Variants in RFK observed in about 807,000 individuals in gnomAD.
RFK encodes the protein 0610038L10Rik.
A neutral mutation model predicts 17.6 loss-of-function variants in RFK; 4 were observed. The ratio of observed to expected loss-of-function variants is 0.23; its 90% CI spans 0.11 to 0.52. RFK has a LOEUF of 0.52. Among genes scored for constraint, RFK ranks in the 20% least tolerant of loss-of-function variants. The pLI is 0.96. For synonymous variants in RFK, 59 were observed against 63.8 expected (o/e 0.92, Z 0.36); for missense variants, 189 against 187.7 (o/e 1.01, Z -0.04).
In RFK at chr9:76,394,226, C is replaced by T. The variant is rs757102093; in HGVS notation, c.-55G>A. On this transcript the variant is annotated 5_prime_UTR_variant, in exon 1 of 4. Coordinates refer to ENST00000376736, the MANE Select transcript of RFK (RefSeq NM_018339.6). ...GCCCGGTCTGCGCGTCCTGCGGAGC[C>T]GCCGTCGACGCGGCGCCCAGACCCC... 1.4e-5 allele frequency: 22 copies of T among 1,518,500 alleles called. No individual in the cohort carries two copies. The Admixed American group carries it at 3.8e-4, about 26-fold the overall frequency. 94.1% of individuals were successfully genotyped at this position (1,518,500 alleles called of 1,614,324 possible).
intron 1 of RFK, chr9:76,393,869 C>G: frequency 1.8e-6 from 1 of 551,362 alleles, no homozygotes; most frequent in Non-Finnish European, 3.2e-6. Context: ...CTCACCACCC[C>G]TCAACCCCGT....
At chr9:76,393,732 G>C in intron 1 of RFK, 2 of 325,908 alleles carry the variant, frequency 6.1e-6, no homozygotes, top group Non-Finnish European at 1.1e-5. Flanking sequence ...CGGCTTGCGA[G>C]TTCAGCCGTT....
intron 2 of RFK, among the ~76,000 whole-genome samples, chr9:76,389,682 ACC>A (rs1212393121): frequency 2.0e-5 from 3 of 152,058 alleles, no homozygotes; most frequent in Non-Finnish European, 4.4e-5. Flanking sequence ...AATTGCTCAA[ACC>A]CAGGAGGCGG....
At position 76,387,509 on chromosome 9, in the gene RFK, G is replaced by A. The variant is rs762317040; in HGVS notation, c.358C>T (p.Gln120Ter). 6.2e-7 allele frequency: 1 copy of A among 1,610,634 alleles called. No individual in the cohort carries two copies. Among genetic ancestry groups the A allele is most frequent in the Non-Finnish European group, 8.5e-7 (1 of 1,179,256 alleles). The change falls in exon 4 of 4, where the codon CAA (glutamine) becomes TAA (stop). Residue 120 changes from glutamine (Q) to a stop codon, truncating the protein, a stop_gained. Transcript: ENST00000376736. LOFTEE classifies it high-confidence loss of function. ...DSLESLISAI[Q>*]GDIEEAKKRL... ...TTCTTAGCTTCTTCAATATCACCTT[G>A]AATTGCTGAAATAAGTGACTCTGCA...
intron 1 of RFK, chr9:76,393,877 C>G (rs1167025189): frequency 5.4e-6 from 3 of 553,768 alleles, no homozygotes; most frequent in Non-Finnish European, 6.3e-6. Context: ...CCCTCAACCC[C>G]GTCCCCGCGG....
In RFK at chr9:76,392,606, T is replaced by C. The variant is rs1440904268; in HGVS notation, c.83-37A>G. The C allele has an allele frequency of 1.9e-6, 3 of 1,609,798 alleles. No homozygotes were observed. In the African/African-American group the frequency reaches 4.0e-5, roughly 22 times the overall value. On this transcript the variant is annotated intron_variant, in intron 1 of 3. Transcript: ENST00000376736. Reference sequence around the variant, plus strand: ...AAGAAAATATTTTGAGTCTTACAAATTTCGTATTAAATGCCTGTAGCCGAG... The same window carrying C: ...AAGAAAATATTTTGAGTCTTACAAACTTCGTATTAAATGCCTGTAGCCGAG...
At chr9:76,393,541 G>C (rs551321602) in intron 1 of RFK, among the ~76,000 whole-genome samples, 10 of 152,278 alleles carry the variant, frequency 6.6e-5, no homozygotes, top group Admixed American at 5.9e-4. Flanking sequence ...CAAGCTCAAG[G>C]CTGACTTAAC....
At chr9:76,394,052 TG>T (rs1822857379) in intron 1 of RFK, 37 bp downstream of exon 1, 1 of 1,553,528 alleles carries the variant, frequency 6.4e-7, no homozygotes, top group Non-Finnish European at 8.7e-7. Flanking sequence ...GCTCCCCACG[TG>T]ACCCGGCCCG....
At chr9:76,391,552 G>A (rs187908265) in intron 2 of RFK, among the ~76,000 whole-genome samples, 11 of 152,336 alleles carry the variant, frequency 7.2e-5, no homozygotes, top group Non-Finnish European at 1.3e-4. Context: ...AATGGTGAAT[G>A]AAGTGCATTA....
Position 76,394,223 on chromosome 9 carries a change from A to C in RFK, c.-52T>G, listed in dbSNP as rs3739729. On this transcript the variant is annotated 5_prime_UTR_variant, in exon 1 of 4. Coordinates refer to ENST00000376736, the MANE Select transcript of RFK (RefSeq NM_018339.6). The stretch of plus-strand genomic sequence containing the variant: ...GCGGCCCGGTCTGCGCGTCCTGCGG[A>C]GCCGCCGTCGACGCGGCGCCCAGAC... The C allele has an allele frequency of 5.2e-6, 8 of 1,533,648 alleles. No homozygotes were observed. The Middle Eastern group carries it at 7.1e-4, about 137-fold the overall frequency.
At chr9:76,390,934 A>G (rs1319676709) in intron 2 of RFK, among the ~76,000 whole-genome samples, 1 of 152,140 alleles carries the variant, frequency 6.6e-6, no homozygotes, top group Non-Finnish European at 1.5e-5. Flanking sequence ...TCCACTGGTA[A>G]GATATGCCTA....
intron 3 of RFK, chr9:76,387,855 G>C (rs755521310): frequency 4.4e-6 from 1 of 229,730 alleles, no homozygotes; most frequent in Non-Finnish European, 8.7e-6. Flanking sequence ...AAAAATTAGC[G>C]GGGTGTGATG....
At position 76,392,514 on chromosome 9, in the gene RFK, A is replaced by T. The variant is rs150697162; in HGVS notation, c.138T>A (p.Ile46=). 10 of 1,614,160 alleles carry T rather than the reference A, an allele frequency of 6.2e-6. No homozygotes were observed. In the East Asian group the frequency reaches 2.0e-4, roughly 32 times the overall value. Residue 46 remains isoleucine (I), a synonymous_variant, in exon 2 of 4, where the codon ATT becomes ATA. Coordinates refer to ENST00000376736, the MANE Select transcript of RFK (RefSeq NM_018339.6). ...DNLPADISTG[I]YYGWASVGSG... is the part of the protein sequence containing the mutation. Reference sequence around the variant, plus strand: ...TTCCAACACTGGCCCAACCATAGTAAATACCAGTGGATATATCAGCTGGAA... The same window carrying T: ...TTCCAACACTGGCCCAACCATAGTATATACCAGTGGATATATCAGCTGGAA...
At position 76,394,328 on chromosome 9, in the gene RFK, G is replaced by C. The variant is rs1822863202; in HGVS notation, c.-157C>G. On this transcript the variant is annotated 5_prime_UTR_variant, in exon 1 of 4. Coordinates refer to ENST00000376736, the MANE Select transcript of RFK (RefSeq NM_018339.6). ...AGTGGCCGGACGACGCCGACCACAGGCCACTGCGAATCCCTGACGCCGCCG... is the reference window on the plus strand; with the variant it reads ...AGTGGCCGGACGACGCCGACCACAGCCCACTGCGAATCCCTGACGCCGCCG... 1.6e-6 allele frequency: 1 copy of C among 617,526 alleles called. No homozygotes were observed. The allele number at this position is 617,526 out of a possible 1,614,324, so 38.3% of individuals were successfully genotyped here.
At position 76,394,194 on chromosome 9, in the gene RFK, G is replaced by T; in HGVS notation, c.-23C>A. The T allele has an allele frequency of 6.4e-7, 1 of 1,568,300 alleles. No homozygotes were observed. The highest frequency in any genetic ancestry group is 8.6e-7 in the Non-Finnish European group (1 of 1,158,782). ...CATAATGCAGTCCGCTCGGGGAATG[G>T]GCTGCGGCCCGGTCTGCGCGTCCTG... On this transcript the variant is annotated 5_prime_UTR_variant, in exon 1 of 4. Transcript: ENST00000376736.
intron 1 of RFK, among the ~76,000 whole-genome samples, chr9:76,393,121 G>C (rs533954003): frequency 9.2e-5 from 14 of 151,580 alleles, no homozygotes; most frequent in Non-Finnish European, 2.1e-4. Context: ...CTTTGAGTAG[G>C]ATGCAAAAAA....
chr9:76,388,680 G>A (rs762712640), intron 2 of RFK, 24 bp from the exon 3 acceptor site: 1 of 1,391,976 alleles, frequency 7.2e-7, no homozygotes, highest in South Asian at 1.2e-5. Context: ...ATGTTACAAA[G>A]AGTGCTATCA....
intron 2 of RFK, among the ~76,000 whole-genome samples, chr9:76,388,859 G>A: frequency 6.6e-6 from 1 of 152,170 alleles, no homozygotes; most frequent in East Asian, 1.9e-4. Context: ...CTAACTGAGT[G>A]AGGTGACAGT....
chr9:76,392,492 C>G lies in RFK; in HGVS notation c.160G>C (p.Gly54Arg). 6.2e-7 allele frequency: 1 copy of G among 1,614,132 alleles called. No homozygotes were observed. Among genetic ancestry groups the G allele is most frequent in the Non-Finnish European group, 8.5e-7 (1 of 1,179,980 alleles). ...TGIYYGWASV[G>R]SGDVHKMVVS... ...ACCATCTTATGGACATCTCCACTTC[C>G]AACACTGGCCCAACCATAGTAAATA... Residue 54 changes from glycine to arginine, a missense_variant, in exon 2 of 4, where the codon GGA becomes CGA. By Grantham distance (125) the Gly-to-Arg change is moderately radical (BLOSUM62 -2). This residue lies in a region of RFK where 90 missense variants were observed against 75.4 expected (regional missense o/e 1.19). Transcript: ENST00000376736.
Sources: allele counts gnomAD v4.1 joint callset (sites outside exome capture counted in the v4.1 genomes callset), GRCh38; gene constraint gnomAD v4.1.1; regional missense constraint gnomAD v4.1.1; transcripts MANE v1.5; gene names NCBI Gene and HGNC (gene_info 2026-07-23, HGNC 2026-07-21).